Variants in CLASP2 observed in about 807,000 individuals in gnomAD.
The protein encoded by CLASP2 is cytoplasmic linker associated protein 2.
CLASP2 carries 47 observed loss-of-function variants against 194.4 expected under a neutral mutation model. The observed-to-expected ratio is 0.24, with a 90% CI of 0.19 to 0.31. The LOEUF (loss-of-function observed/expected upper bound fraction) is 0.31, where lower values mean the gene tolerates loss of function less well. CLASP2 is among the 10% of genes least tolerant of loss of function. CLASP2 has a pLI of 1.00. For synonymous variants in CLASP2, 619 were observed against 633.5 expected, an observed-to-expected ratio of 0.98 and a Z score of 0.34; for missense variants, 1,445 against 1,823.6, an observed-to-expected ratio of 0.79 and a Z score of 3.78.
intron 1 of CLASP2, among the ~76,000 whole-genome samples, chr3:33,703,889 T>C (rs1256560201): frequency 1.3e-5 from 2 of 152,194 alleles, no homozygotes; most frequent in Admixed American, 1.3e-4. Flanking sequence ...ATTCAGACAA[T>C]GGAATAGTAT....
intron 36 of CLASP2, among the ~76,000 whole-genome samples, chr3:33,513,226 A>G (rs1331120078): frequency 1.3e-5 from 2 of 152,156 alleles, no homozygotes; most frequent in Non-Finnish European, 2.9e-5. Flanking sequence ...ACGGTTGAAT[A>G]AAACAAAAAC....
chr3:33,556,312 T>G (rs1414639416), intron 29 of CLASP2, among the ~76,000 whole-genome samples: 1 of 152,208 alleles, frequency 6.6e-6, no homozygotes, highest in Non-Finnish European at 1.5e-5. Flanking sequence ...TGTTAAATTT[T>G]TTATACTTAA....
At chr3:33,539,007 G>C (rs944879460) in intron 32 of CLASP2, 65 bp from the exon 33 acceptor site, 28 of 1,114,034 alleles carry the variant, frequency 2.5e-5, no homozygotes, top group Non-Finnish European at 3.2e-5. Context: ...CATCTGAGGA[G>C]ATTATATAAG....
intron 3 of CLASP2, among the ~76,000 whole-genome samples, chr3:33,688,691 A>G (rs899985799): frequency 2.0e-5 from 3 of 152,242 alleles, no homozygotes; most frequent in Non-Finnish European, 2.9e-5. Context: ...GAAACCTTCA[A>G]TAACAATGCT....
At chr3:33,571,871 T>C (rs754781026) in intron 25 of CLASP2, among the ~76,000 whole-genome samples, 19 of 152,176 alleles carry the variant, frequency 1.2e-4, no homozygotes, top group Non-Finnish European at 1.3e-4. Flanking sequence ...ATTTGTGGGA[T>C]GTACCAGTCA....
In CLASP2 at chr3:33,718,205, C is replaced by A; in HGVS notation, c.-203G>T. ...CTAGTCAAACTCGGCGCCCCCCGATCCCCAGCCCGCTTCAGAGGCCGCGGC... is the reference window on the plus strand; with the variant it reads ...CTAGTCAAACTCGGCGCCCCCCGATACCCAGCCCGCTTCAGAGGCCGCGGC... On this transcript the variant is annotated 5_prime_UTR_variant, in exon 1 of 39. Transcript: ENST00000682230. 1 of 339,746 alleles carries A rather than the reference C, an allele frequency of 2.9e-6. No individual in the cohort carries two copies. 21.0% of individuals were successfully genotyped at this position (339,746 alleles called of 1,614,324 possible). A position where few individuals can be genotyped will look rare whatever the true frequency, so the allele number is the denominator to read the frequency against.
At chr3:33,619,428 C>T (rs541097714) in intron 12 of CLASP2, among the ~76,000 whole-genome samples, 175 bp downstream of exon 12, 1 of 151,006 alleles carries the variant, frequency 6.6e-6, no homozygotes, top group South Asian at 2.1e-4. Flanking sequence ...CCATCTGTGG[C>T]TTTCACTATC....
chr3:33,602,531 G>A, intron 18 of CLASP2: 1 of 762,150 alleles, frequency 1.3e-6, no homozygotes, highest in South Asian at 1.4e-5. Context: ...TATGTTTAGG[G>A]TTTGGTTAGA....
chr3:33,643,603 AT>A (rs1222493923), intron 8 of CLASP2, among the ~76,000 whole-genome samples: 1 of 152,016 alleles, frequency 6.6e-6, no homozygotes, highest in East Asian at 1.9e-4. Context: ...ATTTAGTTAT[AT>A]GTGCATCTAT....
At chr3:33,623,759 T>C (rs2077507299) in intron 10 of CLASP2, among the ~76,000 whole-genome samples, 1 of 152,204 alleles carries the variant, frequency 6.6e-6, no homozygotes, top group African/African-American at 2.4e-5. Context: ...ATCTTTCCAA[T>C]ATATTGATTT....
intron 18 of CLASP2, among the ~76,000 whole-genome samples, chr3:33,598,225 C>T (rs543664185): frequency 2.3e-4 from 35 of 152,070 alleles, no homozygotes; most frequent in Non-Finnish European, 3.8e-4. Context: ...GAGTGCCCCA[C>T]CTCTTGTGTC....
intron 27 of CLASP2, among the ~76,000 whole-genome samples, chr3:33,563,631 A>G (rs529364659): frequency 2.0e-5 from 3 of 152,316 alleles, no homozygotes; most frequent in African/African-American, 4.8e-5. Flanking sequence ...AGCCACTGAC[A>G]CCACATAAAC....
intron 2 of CLASP2, among the ~76,000 whole-genome samples, chr3:33,692,696 C>G (rs1257192355): frequency 6.6e-6 from 1 of 152,106 alleles, no homozygotes; most frequent in Non-Finnish European, 1.5e-5. Context: ...AGCACCTGTA[C>G]CAAGCCCATG....
intron 29 of CLASP2, 61 bp from the exon 30 acceptor site, chr3:33,551,456 C>A (rs1576317952): frequency 6.7e-7 from 1 of 1,487,282 alleles, no homozygotes; most frequent in Admixed American, 2.0e-5. Flanking sequence ...CACTAGAGAA[C>A]ATTTCAAAAA....
chr3:33,645,457 G>C (rs893421004), intron 7 of CLASP2: 1 of 661,400 alleles, frequency 1.5e-6, no homozygotes, highest in African/African-American at 1.8e-5. Flanking sequence ...GGTTTGTGCC[G>C]GCATTTTTCT....
At chr3:33,602,822 G>C (rs1364836815) in intron 18 of CLASP2, 130 bp downstream of exon 18, 3 of 980,912 alleles carry the variant, frequency 3.1e-6, no homozygotes, top group Non-Finnish European at 4.7e-6. Flanking sequence ...CCGCAATATA[G>C]AATTATATTA....
At chr3:33,508,720 T>G (rs1195493668) in intron 37 of CLASP2, among the ~76,000 whole-genome samples, 1 of 152,238 alleles carries the variant, frequency 6.6e-6, no homozygotes, top group East Asian at 1.9e-4. Context: ...TTGGTTATCC[T>G]GAAAATAGGA....
chr3:33,555,035 C>T (rs1171233533), intron 29 of CLASP2, among the ~76,000 whole-genome samples: 1 of 151,756 alleles, frequency 6.6e-6, no homozygotes, highest in Non-Finnish European at 1.5e-5. Flanking sequence ...CAGTTAAGAA[C>T]AATATATTGC....
rs1167718489 is a variant in CLASP2 at position 33,640,647 on chromosome 3, A to T, written c.862+4110T>A. ...TTCAATGACAAATCACTAACCTCAA[A>T]ATCTGGTACTAGTTATTTTAAAAAT... On this transcript the variant is annotated intron_variant, in intron 8 of 38. Transcript: ENST00000682230. Among the ~76,000 whole-genome samples, 3 of 152,108 alleles carry T rather than the reference A, an allele frequency of 2.0e-5. No individual in the cohort carries two copies. In the East Asian group the frequency reaches 5.8e-4, roughly 29 times the overall value.
Sources: gnomAD v4.1 joint callset for allele counts (sites outside exome capture counted in the v4.1 genomes callset) on GRCh38, gnomAD v4.1.1 for gene constraint, MANE v1.5 for transcripts, NCBI Gene and HGNC (gene_info 2026-07-23, HGNC 2026-07-21) for gene names.